The following ZNF367 variants were observed in gnomAD, a reference collection of about 807,000 sequenced individuals.
ZNF367 encodes C2H2 zinc finger protein ZFF29.
ZNF367 carries 11 observed loss-of-function variants against 31.8 expected under a neutral mutation model. That is an observed-to-expected ratio of 0.35 (90% confidence interval 0.22 to 0.57). The LOEUF is 0.57. Among genes scored for constraint, ZNF367 ranks in the 20% least tolerant of loss-of-function variants. ZNF367 has a pLI of 0.85. For missense variants in ZNF367, 353 were observed against 484.1 expected (o/e 0.73, Z 2.54); for synonymous variants, 199 against 202.4 (o/e 0.98, Z 0.14).
intron 1 of ZNF367, among the ~76,000 whole-genome samples, chr9:96,399,387 A>G (rs1459559926): frequency 6.6e-6 from 1 of 152,098 alleles, no homozygotes; most frequent in Non-Finnish European, 1.5e-5. Context: ...CTGTCAAAAC[A>G]CTAGTGGTGG....
At position 96,387,418 on chromosome 9, in the gene ZNF367, G is replaced by T. The variant is rs1228479346; in HGVS notation, c.*819C>A. ...TCCAAGTGCCAAATCTCATTACAGG[G>T]CCCTTAATATGTATTTTTAAAATTA... On this transcript the variant is annotated 3_prime_UTR_variant, in exon 5 of 5. Transcript: ENST00000375256. The T allele has an allele frequency of 6.6e-6, 1 of 152,080 alleles. No individual in the cohort carries two copies. Among genetic ancestry groups the T allele is most frequent in the Non-Finnish European group, 1.5e-5 (1 of 68,000 alleles). 9.4% of individuals were successfully genotyped at this position (152,080 alleles called of 1,614,324 possible). A position where few individuals can be genotyped will look rare whatever the true frequency, so the allele number is the denominator to read the frequency against.
At chr9:96,396,176 G>GAGGT (rs1305581726) in intron 2 of ZNF367, among the ~76,000 whole-genome samples, 2 of 152,154 alleles carry the variant, frequency 1.3e-5, no homozygotes, top group Non-Finnish European at 2.9e-5. Context: ...GTGACACAGT[G>GAGGT]AGGTAGTGGT....
chr9:96,402,388 A>G (rs1323889167), intron 1 of ZNF367, among the ~76,000 whole-genome samples: 1 of 151,944 alleles, frequency 6.6e-6, no homozygotes, highest in Non-Finnish European at 1.5e-5. Flanking sequence ...TAAAAGGAGA[A>G]ATAGTTCAAA....
At chr9:96,393,116 G>A (rs145504266) in intron 3 of ZNF367, among the ~76,000 whole-genome samples, 1,978 of 152,262 alleles carry the variant, frequency 0.013, 23 homozygotes, top group Non-Finnish European at 0.02. Flanking sequence ...CCTCAGACCC[G>A]AGAATTCCAT....
intron 1 of ZNF367, among the ~76,000 whole-genome samples, chr9:96,413,340 T>A (rs1247539042): frequency 2.6e-5 from 4 of 152,224 alleles, no homozygotes; most frequent in Non-Finnish European, 5.9e-5. Context: ...AACATGATGT[T>A]AGGTTTAACA....
chr9:96,386,167 T>C lies in ZNF367; in HGVS notation c.*2070A>G, dbSNP rs1831407291. 6.6e-6 allele frequency: 1 copy of C among 152,150 alleles called. No individual in the cohort carries two copies. Among genetic ancestry groups the C allele is most frequent in the Admixed American group, 6.5e-5 (1 of 15,268 alleles). 9.4% of individuals were successfully genotyped at this position (152,150 alleles called of 1,614,324 possible). A position where few individuals can be genotyped will look rare whatever the true frequency, so the allele number is the denominator to read the frequency against. ...TATAGCTTATATCAAAAAGAACATT[T>C]TAAATGTTTCTAAATAGTTGTGATA... is the stretch of plus-strand genomic sequence containing the variant. On this transcript the variant is annotated 3_prime_UTR_variant, in exon 5 of 5. Transcript: ENST00000375256.
At chr9:96,407,587 G>A in intron 1 of ZNF367, 2 of 1,451,026 alleles carry the variant, frequency 1.4e-6, no homozygotes, top group South Asian at 2.3e-5. Context: ...TCGAGCTAAA[G>A]TACTTTCCAA....
rs566891361 is a variant in ZNF367, at chr9:96,392,499, A to G, written c.729T>C (p.Cys243=). The G allele has an allele frequency of 1.2e-6, 2 of 1,611,814 alleles. No homozygotes were observed. Among genetic ancestry groups the G allele is most frequent in the South Asian group, 1.1e-5 (1 of 91,046 alleles). Reference sequence around the variant, plus strand: ...TCAGCCTGGCGTAGGGGTGCTTCGGACAGTGGCGGTTTGCATGGGTGAATC... The same window carrying G: ...TCAGCCTGGCGTAGGGGTGCTTCGGGCAGTGGCGGTTTGCATGGGTGAATC... The part of the protein sequence containing the change: ...LSRFTHANRH[C]PKHPYARLKR... Residue 243 remains cysteine, a synonymous_variant, in exon 4 of 5, where the codon TGT becomes TGC. Coordinates refer to ENST00000375256, the MANE Select transcript of ZNF367 (RefSeq NM_153695.4).
At chr9:96,398,363 A>G in intron 1 of ZNF367, 49 bp from the exon 2 acceptor site, 2 of 1,521,066 alleles carry the variant, frequency 1.3e-6, no homozygotes, top group Non-Finnish European at 1.8e-6. Flanking sequence ...AACGCTACTC[A>G]TTAAAGCAAC....
At chr9:96,396,036 A>G (rs1831526311) in intron 2 of ZNF367, among the ~76,000 whole-genome samples, 1 of 152,236 alleles carries the variant, frequency 6.6e-6, no homozygotes, top group South Asian at 2.1e-4. Context: ...ACACAGATAT[A>G]GGGGGATTGT....
intron 1 of ZNF367, among the ~76,000 whole-genome samples, chr9:96,406,365 T>C (rs1831671781): frequency 6.6e-6 from 1 of 152,216 alleles, no homozygotes; most frequent in Admixed American, 6.5e-5. Flanking sequence ...AATTTTCACA[T>C]TGAAAGAAAA....
chr9:96,392,439 A>G lies in ZNF367; in HGVS notation c.789T>C (p.His263=), dbSNP rs756096900. The change falls in exon 4 of 5, where the codon CAT becomes CAC. Residue 263 remains histidine, a synonymous_variant. Transcript: ENST00000375256. ...REEPTDTLSK[H]QAADNKAAAE... is the part of the protein sequence containing the mutation. ...CCGCGGCCTTGTTGTCGGCAGCCTG[A>G]TGTTTGCTGAGTGTGTCCGTGGGCT... 6.2e-7 allele frequency: 1 copy of G among 1,614,126 alleles called. No homozygotes were observed. Among genetic ancestry groups the G allele is most frequent in the South Asian group, 1.1e-5 (1 of 91,072 alleles).
At chr9:96,407,048 A>T (rs892775235) in intron 1 of ZNF367, among the ~76,000 whole-genome samples, 6 of 149,792 alleles carry the variant, frequency 4.0e-5, no homozygotes, top group African/African-American at 9.9e-5. Context: ...GGTCAGGCAC[A>T]ATGGCTCACA....
chr9:96,390,817 A>G (rs1831463018), intron 4 of ZNF367, among the ~76,000 whole-genome samples: 1 of 150,868 alleles, frequency 6.6e-6, no homozygotes, highest in South Asian at 2.1e-4. Context: ...CCAGGAGGTC[A>G]AGGCTCAATG....
chr9:96,389,218 T>C lies in ZNF367; in HGVS notation c.831-759A>G, dbSNP rs564219735. Among the ~76,000 whole-genome samples the C allele has an allele frequency of 2.6e-5, 4 of 151,834 alleles. No individual in the cohort carries two copies. The East Asian group carries it at 7.7e-4, about 29-fold the overall frequency. On this transcript the variant is annotated intron_variant, in intron 4 of 4. Transcript: ENST00000375256. ...CAGAGGCTGAGGCAGGAGAATGACT[T>C]GAACCTGGGAGGCGGAGGTTGCAGC...
Position 96,417,899 on chromosome 9 carries a change from C to T in ZNF367, c.134G>A (p.Gly45Asp), listed in dbSNP as rs753930707. The change falls in exon 1 of 5, where the codon GGC becomes GAC. Residue 45 changes from glycine (G) to aspartate (D), a missense_variant. Gly to Asp is a moderately conservative substitution (Grantham distance 94). Transcript: ENST00000375256. This position sits in a 1 kb window ranked among gnomAD's most constrained non-coding sequence, Gnocchi z 5.0. ...IRTTPIKPTCGGGGEPEPPPP... is the reference protein window; with the variant it reads ...IRTTPIKPTCDGGGEPEPPPP... ...CGGCGGCTCCGGCTCCCCTCCACCG[C>T]CGCACGTTGGCTTGATCGGGGTCGT... 17 of 1,524,156 alleles carry T rather than the reference C, an allele frequency of 1.1e-5. No individual in the cohort carries two copies. The highest frequency in any genetic ancestry group is 2.9e-5 in the African/African-American group (2 of 69,454). The allele number at this position is 1,524,156 out of a possible 1,614,324, so 94.4% of individuals were successfully genotyped here. A position where few individuals can be genotyped will look rare whatever the true frequency, so the allele number is the denominator to read the frequency against.
Position 96,418,049 on chromosome 9 carries a change from CAGCTCCGGCGGCCCCGGGCCGCACTCCTG to C in ZNF367, c.-46_-18del. 7.4e-7 allele frequency: 1 copy of C among 1,356,574 alleles called. No homozygotes were observed. The highest frequency in any genetic ancestry group is 9.4e-7 in the Non-Finnish European group (1 of 1,060,492). The allele number at this position is 1,356,574 out of a possible 1,614,324, so 84.0% of individuals were successfully genotyped here. ...CCGGATCATCGCCCGGCCCGACCCC[CAGCTCCGGCGGCCCCGGGCCGCACTCCTG>C]AGCACCGCTCTGCCCCTCACTCGCT... On this transcript the variant is annotated 5_prime_UTR_variant, in exon 1 of 5. Coordinates refer to ENST00000375256, the MANE Select transcript of ZNF367 (RefSeq NM_153695.4).
At chr9:96,392,906 A>C (rs1831489542) in intron 3 of ZNF367, among the ~76,000 whole-genome samples, 1 of 151,986 alleles carries the variant, frequency 6.6e-6, no homozygotes, top group South Asian at 2.1e-4. Flanking sequence ...CCAACACGGC[A>C]AAATGCCATC....
In ZNF367 at chr9:96,417,627, T is replaced by G; in HGVS notation, c.406A>C (p.Ser136Arg). The G allele has an allele frequency of 4.2e-6, 3 of 705,972 alleles. No homozygotes were observed. The highest frequency in any genetic ancestry group is 5.8e-6 in the Non-Finnish European group (3 of 516,074). 43.7% of individuals were successfully genotyped at this position (705,972 alleles called of 1,614,324 possible). ...EDEEEASSPD[S>R]GHLKDGIRRG... is the part of the protein sequence containing the mutation. Reference sequence around the variant, plus strand: ...GCGCCGCTCACCTTGAGGTGGCCGCTGTCTGGGCTGCTCGCTTCCTCCTCG... The same window carrying G: ...GCGCCGCTCACCTTGAGGTGGCCGCGGTCTGGGCTGCTCGCTTCCTCCTCG... Residue 136 changes from serine (S) to arginine (R), a missense_variant, in exon 1 of 5, where the codon AGC becomes CGC. Physicochemically the swap from Ser to Arg is moderately radical, Grantham distance 110 (BLOSUM62 -1). Around this residue, in one of 5 missense-constraint regions of ZNF367, gnomAD observed 70 missense variants for 57.1 expected, o/e 1.23. Transcript: ENST00000375256. This position sits in a 1 kb window ranked among gnomAD's most constrained non-coding sequence, Gnocchi z 5.0.
Sources: gnomAD v4.1 joint callset for allele counts (sites outside exome capture counted in the v4.1 genomes callset) on GRCh38, gnomAD v4.1.1 for gene constraint, gnomAD v4.1.1 regional missense constraint, Gnocchi (gnomAD v3.1) non-coding constraint, MANE v1.5 for transcripts, NCBI Gene and HGNC (gene_info 2026-07-23, HGNC 2026-07-21) for gene names.